The following ARID4A variants were observed in gnomAD, a reference collection of about 807,000 sequenced individuals.
ARID4A encodes the protein AT-rich interaction domain 4A, also known as AT-rich interactive domain-containing protein 4A.
In ARID4A, 39 loss-of-function variants were observed where a neutral mutation model predicts 148.6. That is an observed-to-expected ratio of 0.26 (90% CI 0.20 to 0.34). ARID4A has a LOEUF of 0.34. Ranked by LOEUF, ARID4A falls within the 10% of genes least tolerant of loss-of-function variation. The pLI is 1.00. For missense variants in ARID4A, 1,265 were observed against 1,449.1 expected (o/e 0.87, Z 2.06); for synonymous variants, 475 against 481.2 (o/e 0.99, Z 0.17).
Position 58,364,968 on chromosome 14 carries a change from A to G in ARID4A, c.2879A>G (p.His960Arg), listed in dbSNP as rs540034037. The G allele has an allele frequency of 6.2e-7, 1 of 1,614,158 alleles. No homozygotes were observed. The highest frequency in any genetic ancestry group is 1.7e-5 in the Admixed American group (1 of 60,018). The change falls in exon 20 of 24, where the codon CAT (histidine) becomes CGT (arginine). Residue 960 changes from histidine to arginine, a missense_variant. Around this residue, in one of 9 missense-constraint regions of ARID4A, gnomAD observed 666 missense variants for 730.9 expected, o/e 0.91. Transcript: ENST00000355431. ...ATCGGGCCTGAAACCTTGGTTTGCC[A>G]TGAAGTAGATTTGGATGATTTGGAT... ...PLIGPETLVC[H>R]EVDLDDLDEK...
At chr14:58,299,162 C>A (rs929942452) in intron 1 of ARID4A, among the ~76,000 whole-genome samples, 2 of 152,218 alleles carry the variant, frequency 1.3e-5, no homozygotes, top group Non-Finnish European at 2.9e-5. Flanking sequence ...CCTCCCACAC[C>A]CTGTCCGGGC....
In ARID4A at chr14:58,299,668, G is replaced by A. The variant is rs973619060; in HGVS notation, c.-57-130G>A. ...CAGCTCCTGCGTCCTGGCTGCCCTC[G>A]TAAGGGGTCTTGTCCCTTGGCTGGT... On this transcript the variant is annotated intron_variant, in intron 1 of 23. Coordinates refer to ENST00000355431, the MANE Select transcript of ARID4A (RefSeq NM_002892.4). The A allele has an allele frequency of 1.5e-5, 11 of 736,116 alleles. No individual in the cohort carries two copies. The African/African-American group carries it at 1.9e-4, about 13-fold the overall frequency. 45.6% of individuals were successfully genotyped at this position (736,116 alleles called of 1,614,324 possible). A position where few individuals can be genotyped will look rare whatever the true frequency, so the allele number is the denominator to read the frequency against.
chr14:58,369,601 TGA>T (rs2035514268), intron 23 of ARID4A, among the ~76,000 whole-genome samples: 1 of 99,570 alleles, frequency 1.0e-5, no homozygotes, highest in Admixed American at 1.3e-4. Flanking sequence ...GGTGACAGAG[TGA>T]GAGTCTGTCT....
chr14:58,310,134 G>T (rs1193590006), intron 5 of ARID4A, among the ~76,000 whole-genome samples: 2 of 151,850 alleles, frequency 1.3e-5, no homozygotes, highest in African/African-American at 4.8e-5. Context: ...CCTTCCCTAA[G>T]ACTTAGTATT....
intron 7 of ARID4A, among the ~76,000 whole-genome samples, chr14:58,321,765 A>G (rs1237996190): frequency 6.6e-6 from 1 of 152,092 alleles, no homozygotes; most frequent in African/African-American, 2.4e-5. Flanking sequence ...TCAGCCATAT[A>G]CTAGATATAT....
intron 3 of ARID4A, among the ~76,000 whole-genome samples, chr14:58,302,264 T>G (rs1467617798): frequency 1.3e-5 from 2 of 151,730 alleles, no homozygotes; most frequent in African/African-American, 2.4e-5. Flanking sequence ...GAGGCTGAGG[T>G]GGGTGGATCA....
rs557088961 is a variant in ARID4A at position 58,303,021 on chromosome 14, C to G, written c.117+1331C>G. Among the ~76,000 whole-genome samples the G allele has an allele frequency of 7.2e-5, 11 of 151,916 alleles. No individual in the cohort carries two copies. In the South Asian group the frequency reaches 2.3e-3, roughly 32 times the overall value. On this transcript the variant is annotated intron_variant, in intron 3 of 23. Coordinates refer to ENST00000355431, the MANE Select transcript of ARID4A (RefSeq NM_002892.4). ...AAATAACTTTTTTTTTTGGTGGTTC[C>G]TGCCAGTAATTTTCTTATATGAATA...
At chr14:58,320,900 C>T (rs1407751950) in intron 7 of ARID4A, among the ~76,000 whole-genome samples, 2 of 152,174 alleles carry the variant, frequency 1.3e-5, no homozygotes, top group African/African-American at 2.4e-5. Flanking sequence ...AGCCACCACG[C>T]CCAGCCGATG....
intron 19 of ARID4A, among the ~76,000 whole-genome samples, chr14:58,363,529 A>T (rs904590433): frequency 1.3e-5 from 2 of 151,928 alleles, no homozygotes; most frequent in African/African-American, 4.8e-5. Context: ...GCAAAACCCC[A>T]TCTCTACTAA....
intron 11 of ARID4A, among the ~76,000 whole-genome samples, chr14:58,339,971 A>G (rs1313613870): frequency 6.6e-6 from 1 of 152,092 alleles, no homozygotes; most frequent in African/African-American, 2.4e-5. Context: ...AATCTGCCCC[A>G]TGATCCAATC....
intron 5 of ARID4A, among the ~76,000 whole-genome samples, chr14:58,314,103 A>G (rs2032245050): frequency 6.6e-6 from 1 of 152,218 alleles, no homozygotes; most frequent in African/African-American, 2.4e-5. Flanking sequence ...GTTCTGCTAG[A>G]CTCAATGAAC....
At chr14:58,328,802 G>A (rs1170774756) in intron 9 of ARID4A, among the ~76,000 whole-genome samples, 1 of 151,958 alleles carries the variant, frequency 6.6e-6, no homozygotes, top group Admixed American at 6.6e-5. Flanking sequence ...AGACCATTCT[G>A]GCCAACATGG....
rs368200897 is a variant in ARID4A at position 58,361,734 on chromosome 14, G to A, written c.2080+692G>A. ...AAGGTTACCCGTACACTAGCTTGGG[G>A]TTGCTGAAGAAACTGTTGTGCACCT... On this transcript the variant is annotated intron_variant, in intron 19 of 23. Coordinates refer to ENST00000355431, the MANE Select transcript of ARID4A (RefSeq NM_002892.4). 2.6e-5 allele frequency among the ~76,000 whole-genome samples: 4 copies of A among 152,256 alleles called. 1 individual carries two copies.
rs889987618 is a variant in ARID4A at position 58,372,356 on chromosome 14, C to G, written c.*367C>G. The stretch of plus-strand genomic sequence containing the variant: ...GCACATGATAAACATCAAAATATTA[C>G]CCAGCTGAATAGTTACTGCTGCACT... On this transcript the variant is annotated 3_prime_UTR_variant, in exon 24 of 24. Coordinates refer to ENST00000355431, the MANE Select transcript of ARID4A (RefSeq NM_002892.4). 3.8e-6 allele frequency: 1 copy of G among 260,980 alleles called. No individual in the cohort carries two copies. The highest frequency in any genetic ancestry group is 7.3e-6 in the Non-Finnish European group (1 of 137,032). The allele number at this position is 260,980 out of a possible 1,614,324, so 16.2% of individuals were successfully genotyped here.
At chr14:58,353,492 A>G (rs2034729609) in intron 16 of ARID4A, 166 bp from the exon 17 acceptor site, 5 of 604,264 alleles carry the variant, frequency 8.3e-6, no homozygotes, top group Non-Finnish European at 1.4e-5. Context: ...TTCCTTAGTA[A>G]GTAGGCCACA....
rs1346293966 is a variant in ARID4A at position 58,322,950 on chromosome 14, G to A, written c.450-535G>A. ...TGAACTCCAGCCTGGGTGACAAAGC[G>A]AGACTCCATTTCCAAAAAAAAAAAA... On this transcript the variant is annotated intron_variant, in intron 7 of 23. Coordinates refer to ENST00000355431, the MANE Select transcript of ARID4A (RefSeq NM_002892.4). Among the ~76,000 whole-genome samples, 29 of 105,366 alleles carry A rather than the reference G, an allele frequency of 2.8e-4. No individual in the cohort carries two copies. In the East Asian group the frequency reaches 4.5e-3, roughly 16 times the overall value. The allele number at this position is 105,366 out of a possible 152,430, so 69.1% of individuals were successfully genotyped here.
chr14:58,332,276 T>C (rs941096479), intron 11 of ARID4A, among the ~76,000 whole-genome samples: 2 of 152,130 alleles, frequency 1.3e-5, no homozygotes, highest in African/African-American at 4.8e-5. Flanking sequence ...TTAAAATGTG[T>C]CACCTAAATT....
At chr14:58,360,317 A>C (rs1170866133) in intron 18 of ARID4A, among the ~76,000 whole-genome samples, 1 of 152,216 alleles carries the variant, frequency 6.6e-6, no homozygotes, top group Non-Finnish European at 1.5e-5. Flanking sequence ...TGCTGTGGGA[A>C]TGCAGACCCA....
chr14:58,351,134 C>G lies in ARID4A; in HGVS notation c.1466C>G (p.Thr489Arg). The change falls in exon 16 of 24, where the codon ACA (threonine) becomes AGA (arginine). Residue 489 changes from threonine (T) to arginine (R), a missense_variant. By Grantham distance (71) the Thr-to-Arg change is moderately conservative. Around this residue, in one of 9 missense-constraint regions of ARID4A, gnomAD observed 205 missense variants for 196.9 expected, o/e 1.04. Coordinates refer to ENST00000355431, the MANE Select transcript of ARID4A (RefSeq NM_002892.4). ...SIKKEIEEEKTEDKLKDNDTE... is the reference protein window; with the variant it reads ...SIKKEIEEEKREDKLKDNDTE... ...AAAAAGGAAATTGAAGAAGAGAAAA[C>G]AGAAGACAAATTAAAAGATAATGAT... 1 of 1,606,074 alleles carries G rather than the reference C, an allele frequency of 6.2e-7. No individual in the cohort carries two copies. Among genetic ancestry groups the G allele is most frequent in the Non-Finnish European group, 8.5e-7 (1 of 1,177,990 alleles).
Sources: gnomAD v4.1 joint callset for allele counts (sites outside exome capture counted in the v4.1 genomes callset) on GRCh38, gnomAD v4.1.1 for gene constraint, gnomAD v4.1.1 regional missense constraint, MANE v1.5 for transcripts, NCBI Gene and HGNC (gene_info 2026-07-23, HGNC 2026-07-21) for gene names.